The following RBFOX3 variants were observed in gnomAD, a reference collection of about 807,000 sequenced individuals.
RBFOX3 encodes RNA binding fox-1 homolog 3, also known as RNA binding protein fox-1 homolog 3.
A neutral mutation model predicts 48.7 loss-of-function variants in RBFOX3; 17 were observed. The ratio of observed to expected loss-of-function variants is 0.35; its 90% CI spans 0.24 to 0.52. RBFOX3 has a LOEUF of 0.52. RBFOX3 is among the 20% of genes least tolerant of loss of function. The pLI is 0.94. For missense variants in RBFOX3, 382 were observed against 497.5 expected (o/e 0.77, Z 2.21); for synonymous variants, 212 against 209.5 (o/e 1.01, Z -0.10).
At chr17:79,529,168 C>T (rs1209637770) in intron 1 of RBFOX3, among the ~76,000 whole-genome samples, 3 of 152,216 alleles carry the variant, frequency 2.0e-5, no homozygotes, top group South Asian at 2.1e-4. Context: ...CAGGATTCCA[C>T]GCACTTTTGC....
intron 3 of RBFOX3, among the ~76,000 whole-genome samples, chr17:79,300,684 T>C (rs2075169351): frequency 1.3e-5 from 2 of 152,080 alleles, no homozygotes; most frequent in African/African-American, 4.8e-5. Flanking sequence ...GTGACTATTA[T>C]TGTTGTTTTG....
At position 79,200,162 on chromosome 17, in the gene RBFOX3, CA is replaced by C. The variant is rs3046721; in HGVS notation, c.-34+35603del. Among the ~76,000 whole-genome samples, 848 of 110,906 alleles carry C rather than the reference CA, an allele frequency of 7.6e-3. 4 individuals are homozygous for C. The highest frequency in any genetic ancestry group is 0.026 in the African/African-American group (761 of 29,222). The allele number at this position is 110,906 out of a possible 152,430, so 72.8% of individuals were successfully genotyped here. On this transcript the variant is annotated intron_variant, in intron 4 of 14. Coordinates refer to ENST00000693108, the MANE Select transcript of RBFOX3 (RefSeq NM_001350451.2). Reference sequence around the variant, plus strand: ...TGGGTGACAGAGCGAGACTCCGTCTCAAAAAAAAAAAAAAAAAAAAATTGGG... The same window carrying C: ...TGGGTGACAGAGCGAGACTCCGTCTCAAAAAAAAAAAAAAAAAAAATTGGG...
At chr17:79,259,840 CCTCT>C (rs767664113) in intron 3 of RBFOX3, among the ~76,000 whole-genome samples, 4 of 152,016 alleles carry the variant, frequency 2.6e-5, no homozygotes, top group Non-Finnish European at 5.9e-5. Context: ...CAGCATTTTC[CCTCT>C]CTCTCTCCTC....
At chr17:79,165,617 C>A (rs958239417) in intron 4 of RBFOX3, among the ~76,000 whole-genome samples, 6 of 152,194 alleles carry the variant, frequency 3.9e-5, no homozygotes, top group African/African-American at 1.4e-4. Flanking sequence ...GGCTCCGGAG[C>A]CCCCTGGAGA....
chr17:79,270,339 T>G (rs146521102), intron 3 of RBFOX3, among the ~76,000 whole-genome samples: 4 of 151,996 alleles, frequency 2.6e-5, no homozygotes, highest in Non-Finnish European at 5.9e-5. Context: ...TCCACTGGGG[T>G]CCCTCAGATA....
intron 1 of RBFOX3, among the ~76,000 whole-genome samples, chr17:79,584,175 A>G (rs1037221586): frequency 6.6e-5 from 10 of 152,218 alleles, no homozygotes; most frequent in African/African-American, 1.9e-4. Flanking sequence ...GGAAATGCAA[A>G]TCAAAACCAC....
chr17:79,104,942 G>A (rs2077097571), intron 6 of RBFOX3, among the ~76,000 whole-genome samples: 1 of 152,248 alleles, frequency 6.6e-6, no homozygotes, highest in East Asian at 1.9e-4. Flanking sequence ...GGTCGTTTGG[G>A]CCAGCTGGGC....
At chr17:79,176,860 C>G (rs2050666080) in intron 4 of RBFOX3, among the ~76,000 whole-genome samples, 1 of 152,182 alleles carries the variant, frequency 6.6e-6, no homozygotes. Flanking sequence ...GGGGCCACAG[C>G]TGATCATAAA....
In RBFOX3 at chr17:79,391,278, C is replaced by T. The variant is rs1016272631; in HGVS notation, c.-174-83454G>A. Among the ~76,000 whole-genome samples, 1 of 152,130 alleles carries T rather than the reference C, an allele frequency of 6.6e-6. No individual in the cohort carries two copies. The highest frequency in any genetic ancestry group is 2.4e-5 in the African/African-American group (1 of 41,424). On this transcript the variant is annotated intron_variant, in intron 2 of 14. Coordinates refer to ENST00000693108, the MANE Select transcript of RBFOX3 (RefSeq NM_001350451.2). This position sits in a 1 kb window ranked among gnomAD's most constrained non-coding sequence, Gnocchi z 5.0. ...CGCAACCCCCAAGCTGGGGTCTCAG[C>T]TCCAGCACCTCTCACCTGACCCTCA...
Position 79,175,601 on chromosome 17 carries a change from C to A in RBFOX3, c.-33-59853G>T, listed in dbSNP as rs78005421. 4.5e-3 allele frequency among the ~76,000 whole-genome samples: 679 copies of A among 152,340 alleles called. 4 individuals carry two copies. The highest frequency in any genetic ancestry group is 0.016 in the African/African-American group (646 of 41,584). On this transcript the variant is annotated intron_variant, in intron 4 of 14. Coordinates refer to ENST00000693108, the MANE Select transcript of RBFOX3 (RefSeq NM_001350451.2). ...GGCCTGGCAGACACACTGCCTAGAC[C>A]ACCCCTCTCCTGCCCCGCTGCCCTG... is the stretch of plus-strand genomic sequence containing the variant.
intron 2 of RBFOX3, among the ~76,000 whole-genome samples, chr17:79,445,436 G>A (rs1453097737): frequency 1.3e-5 from 2 of 152,088 alleles, no homozygotes; most frequent in Non-Finnish European, 2.9e-5. Flanking sequence ...GAGGAGACTC[G>A]ATTCTCTAAG....
At chr17:79,325,415 G>A (rs558982568) in intron 2 of RBFOX3, among the ~76,000 whole-genome samples, 6 of 152,274 alleles carry the variant, frequency 3.9e-5, no homozygotes, top group Middle Eastern at 3.4e-3. Flanking sequence ...TGAGGAGCCC[G>A]GCAGCACTGT....
chr17:79,342,184 T>C (rs1474788750), intron 2 of RBFOX3, among the ~76,000 whole-genome samples: 1 of 152,250 alleles, frequency 6.6e-6, no homozygotes, highest in Non-Finnish European at 1.5e-5. Context: ...GGTTTATTTA[T>C]GGGGCCCTTG....
At chr17:79,492,862 A>G (rs1379161427) in intron 1 of RBFOX3, among the ~76,000 whole-genome samples, 1 of 152,224 alleles carries the variant, frequency 6.6e-6, no homozygotes, top group African/African-American at 2.4e-5. Flanking sequence ...GCCAGGAGGC[A>G]GTGGTGGGAG....
Position 79,172,173 on chromosome 17 carries a change from CAAAAAAAA to C in RBFOX3, c.-33-56433_-33-56426del, listed in dbSNP as rs977301314. Among the ~76,000 whole-genome samples the C allele has an allele frequency of 1.1e-4, 6 of 52,486 alleles. No homozygotes were observed. The East Asian group carries it at 1.7e-3, about 15-fold the overall frequency. The allele number at this position is 52,486 out of a possible 152,430, so 34.4% of individuals were successfully genotyped here. ...TGGGCGACAGAGTGAGAGTCCGTCT[CAAAAAAAA>C]AAAAAAAAAAAAAGAGAAAAAGAAA... On this transcript the variant is annotated intron_variant, in intron 4 of 14. Coordinates refer to ENST00000693108, the MANE Select transcript of RBFOX3 (RefSeq NM_001350451.2).
chr17:79,444,633 T>C (rs557086927), intron 2 of RBFOX3, among the ~76,000 whole-genome samples: 1 of 152,160 alleles, frequency 6.6e-6, no homozygotes, highest in East Asian at 1.9e-4. Flanking sequence ...AGAGTCTCCC[T>C]CAGACACTTC....
intron 9 of RBFOX3, 60 bp downstream of exon 9, chr17:79,101,524 C>G: frequency 2.8e-6 from 4 of 1,444,332 alleles, no homozygotes; most frequent in Non-Finnish European, 2.9e-6. Flanking sequence ...CTCAGCTCCC[C>G]CAGGGCCTCT....
At chr17:79,225,117 C>T (rs565295306) in intron 4 of RBFOX3, among the ~76,000 whole-genome samples, 2 of 152,226 alleles carry the variant, frequency 1.3e-5, no homozygotes, top group African/African-American at 4.8e-5. Flanking sequence ...CCCTGCCTTT[C>T]CACCATCCAG....
intron 3 of RBFOX3, among the ~76,000 whole-genome samples, chr17:79,276,559 C>T (rs139181088): frequency 3.3e-5 from 5 of 152,168 alleles, no homozygotes; most frequent in African/African-American, 9.6e-5. Flanking sequence ...GTGGTGGGCG[C>T]CTGTAATCCC....
Sources: gnomAD v4.1 joint callset for allele counts (sites outside exome capture counted in the v4.1 genomes callset) on GRCh38, gnomAD v4.1.1 for gene constraint, Gnocchi (gnomAD v3.1) non-coding constraint, MANE v1.5 for transcripts, NCBI Gene and HGNC (gene_info 2026-07-23, HGNC 2026-07-21) for gene names.